THRAP3: variants seen among roughly 807,000 people sequenced by gnomAD.
The protein encoded by THRAP3 is thyroid hormone receptor associated protein 3.
Under a neutral mutation model 101.0 loss-of-function variants are expected in THRAP3, and 16 were observed. The observed-to-expected ratio is 0.16, with a 90% CI of 0.11 to 0.24. The LOEUF is 0.24. Ranked by LOEUF, THRAP3 falls within the 10% of genes least tolerant of loss-of-function variation. The pLI is 1.00. For synonymous variants in THRAP3, 407 were observed against 422.6 expected (o/e 0.96, Z 0.45); for missense variants, 989 against 1,202.7 (o/e 0.82, Z 2.63).
At chr1:36,224,156 T>G (rs1644929628), upstream of THRAP3, among the ~76,000 whole-genome samples, 1 of 152,190 alleles carries the variant, frequency 6.6e-6, no homozygotes, top group Admixed American at 6.5e-5. Flanking sequence ...GTGGGGGCAG[T>G]GGCGTCAGCA....
At chr1:36,227,309 G>A (rs1265503278) in intron 1 of THRAP3, among the ~76,000 whole-genome samples, 1 of 151,024 alleles carries the variant, frequency 6.6e-6, no homozygotes, top group African/African-American at 2.4e-5. Context: ...TTGAGATGGT[G>A]TTTCGCTCTT....
At chr1:36,209,559 T>G in the THRAP3 span, among the ~76,000 whole-genome samples, 1 of 152,172 alleles carries the variant, frequency 6.6e-6, no homozygotes, top group Non-Finnish European at 1.5e-5. Context: ...TGGGAAACAC[T>G]GAATTAGACC....
intron 2 of THRAP3, among the ~76,000 whole-genome samples, chr1:36,266,783 C>G (rs971967619): frequency 6.6e-6 from 1 of 152,134 alleles, no homozygotes; most frequent in African/African-American, 2.4e-5. Context: ...GGCCAAGTCC[C>G]TGGACAGTTG....
At chr1:36,223,254 T>C (rs1644917460), upstream of THRAP3, among the ~76,000 whole-genome samples, 1 of 152,234 alleles carries the variant, frequency 6.6e-6, no homozygotes, top group Non-Finnish European at 1.5e-5. Context: ...CAAGGAATGC[T>C]GCCGAAGCCA....
intron 1 of THRAP3, among the ~76,000 whole-genome samples, chr1:36,236,759 A>G (rs910201493): frequency 2.6e-5 from 4 of 152,218 alleles, no homozygotes; most frequent in Non-Finnish European, 5.9e-5. Flanking sequence ...TCAGCCCACA[A>G]TGGACATGTT....
the THRAP3 span, among the ~76,000 whole-genome samples, chr1:36,215,466 T>C: frequency 6.6e-6 from 1 of 152,188 alleles, no homozygotes; most frequent in Admixed American, 6.6e-5. Flanking sequence ...TCTGGAATGC[T>C]CTTCCCCAAT....
At chr1:36,260,292 T>C (rs1645428388) in intron 2 of THRAP3, among the ~76,000 whole-genome samples, 1 of 152,082 alleles carries the variant, frequency 6.6e-6, no homozygotes, top group Admixed American at 6.6e-5. Context: ...AACACTATAG[T>C]AGACATACCA....
At chr1:36,246,010 G>T (rs1033117449) in intron 1 of THRAP3, among the ~76,000 whole-genome samples, 1 of 152,048 alleles carries the variant, frequency 6.6e-6, no homozygotes, top group African/African-American at 2.4e-5. Context: ...ACAATCCTAG[G>T]GGGAGGTATG....
chr1:36,239,888 A>C (rs1409359197), intron 1 of THRAP3, among the ~76,000 whole-genome samples: 1 of 152,120 alleles, frequency 6.6e-6, no homozygotes, highest in Non-Finnish European at 1.5e-5. Flanking sequence ...TATCATCTTA[A>C]TCATTTGTTT....
chr1:36,251,538 T>G (rs539886300), intron 1 of THRAP3, among the ~76,000 whole-genome samples: 43 of 152,350 alleles, frequency 2.8e-4, no homozygotes, highest in African/African-American at 9.4e-4. Context: ...GGCATAGGCT[T>G]GGGTTTGTCG....
intron 10 of THRAP3, 135 bp downstream of exon 10, chr1:36,301,219 C>A: frequency 1.1e-6 from 1 of 944,208 alleles, no homozygotes; most frequent in Non-Finnish European, 1.6e-6. Context: ...TTTGGTTCTC[C>A]TTCCCACATT....
chr1:36,295,603 T>TCCTTCTTCCCTC (rs1645938701), intron 8 of THRAP3, among the ~76,000 whole-genome samples: 1 of 149,510 alleles, frequency 6.7e-6, no homozygotes, highest in East Asian at 2.0e-4. Context: ...CTCCCTCCCT[T>TCCTTCTTCCCTC]CCTTCTTCCC....
rs566079743 is a variant in THRAP3 at position 36,279,383 on chromosome 1, G to C, written c.-31-3150G>C. Reference sequence around the variant, plus strand: ...AGAAATAAAGGTCTCCATTTGGCAAGAGTGAACCCAGAGAACCCCAAAATA... The same window carrying C: ...AGAAATAAAGGTCTCCATTTGGCAACAGTGAACCCAGAGAACCCCAAAATA... On this transcript the variant is annotated intron_variant, in intron 2 of 11. Coordinates refer to ENST00000354618, the MANE Select transcript of THRAP3 (RefSeq NM_005119.4). Among the ~76,000 whole-genome samples the C allele has an allele frequency of 2.2e-4, 34 of 152,258 alleles. 1 individual carries two copies. In the South Asian group the frequency reaches 6.6e-3, roughly 30 times the overall value.
chr1:36,223,244 C>T (rs1644917395), upstream of THRAP3, among the ~76,000 whole-genome samples: 1 of 152,162 alleles, frequency 6.6e-6, no homozygotes, highest in Non-Finnish European at 1.5e-5. Context: ...AAGCCGTGTG[C>T]AAGGAATGCT....
At chr1:36,282,460 T>A in intron 2 of THRAP3, 73 bp from the exon 3 acceptor site, 1 of 1,120,838 alleles carries the variant, frequency 8.9e-7, no homozygotes, top group Non-Finnish European at 1.3e-6. Context: ...GAAATGTGTT[T>A]CTAAAATGTC....
intron 2 of THRAP3, among the ~76,000 whole-genome samples, chr1:36,276,713 TG>T (rs1645665258): frequency 1.3e-5 from 2 of 150,050 alleles, no homozygotes; most frequent in Non-Finnish European, 3.0e-5. Context: ...AAAAATGAGC[TG>T]GGTGTGGTGT....
chr1:36,253,339 G>T (rs529896030), intron 1 of THRAP3, among the ~76,000 whole-genome samples: 1 of 152,246 alleles, frequency 6.6e-6, no homozygotes, highest in Admixed American at 6.5e-5. Flanking sequence ...TAGCTGCACA[G>T]TTAGACAGAT....
At chr1:36,240,634 C>G (rs1033196560) in intron 1 of THRAP3, among the ~76,000 whole-genome samples, 1 of 152,188 alleles carries the variant, frequency 6.6e-6, no homozygotes, top group African/African-American at 2.4e-5. Context: ...ATAGCTATTC[C>G]TCTGTCCAGT....
At position 36,289,709 on chromosome 1, in the gene THRAP3, A is replaced by G; in HGVS notation, c.1690A>G (p.Thr564Ala). Residue 564 changes from threonine (T) to alanine (A), a missense_variant, in exon 5 of 12, where the codon ACT (threonine) becomes GCT (alanine). Physicochemically the swap from Thr to Ala is moderately conservative, Grantham distance 58. Coordinates refer to ENST00000354618, the MANE Select transcript of THRAP3 (RefSeq NM_005119.4). The stretch of plus-strand genomic sequence containing the variant: ...CACAGGAAAGTCTTCCTTTTCCATT[A>G]CTCGAGAGGCACAGGTCAATGTCCG... The part of the protein sequence containing the change: ...FPTGKSSFSI[T>A]REAQVNVRMD... The G allele has an allele frequency of 6.2e-7, 1 of 1,613,906 alleles. No homozygotes were observed. The highest frequency in any genetic ancestry group is 8.5e-7 in the Non-Finnish European group (1 of 1,179,938).
Sources: allele counts gnomAD v4.1 joint callset (sites outside exome capture counted in the v4.1 genomes callset), GRCh38; gene constraint gnomAD v4.1.1; transcripts MANE v1.5; gene names NCBI Gene and HGNC (gene_info 2026-07-23, HGNC 2026-07-21).